CAMTA1: variants seen among roughly 807,000 people sequenced by gnomAD.
The protein encoded by CAMTA1 is calmodulin-binding transcription activator 1.
A neutral mutation model predicts 170.9 loss-of-function variants in CAMTA1; 27 were observed. That is an observed-to-expected ratio of 0.16 (90% confidence interval 0.12 to 0.22). The LOEUF is 0.22. Ranked by LOEUF, CAMTA1 falls within the 10% of genes least tolerant of loss-of-function variation. The pLI, the probability that CAMTA1 is intolerant of heterozygous loss-of-function variation, is 1.00. For missense variants in CAMTA1, 1,619 were observed against 2,217.2 expected, an observed-to-expected ratio of 0.73 and a Z score of 5.42; for synonymous variants, 833 against 891.5, an observed-to-expected ratio of 0.93 and a Z score of 1.17.
At position 7,745,882 on chromosome 1, in the gene CAMTA1, A is replaced by T; in HGVS notation, c.4408A>T (p.Thr1470Ser). The change falls in exon 18 of 23, where the codon ACC becomes TCC. Residue 1470 changes from threonine (T) to serine (S), a missense_variant. Thr to Ser is a moderately conservative substitution (Grantham distance 58). This residue lies in a region of CAMTA1 where 370 missense variants were observed against 429.4 expected (regional missense o/e 0.86). Transcript: ENST00000303635. ...CGAGCCTCTAACCCCTTCTTCTAAT[A>T]CCAGCTTGAGCCCTGTTGGCTCTCC... ...YNEPLTPSSN[T>S]SLSPVGSPVS... 6.2e-7 allele frequency: 1 copy of T among 1,614,162 alleles called. No homozygotes were observed.
At chr1:7,700,077 ATATAT>A (rs2096422101) in intron 11 of CAMTA1, among the ~76,000 whole-genome samples, 1 of 151,962 alleles carries the variant, frequency 6.6e-6, no homozygotes, top group African/African-American at 2.4e-5. Flanking sequence ...TGTGCTTTTG[ATATAT>A]TTAAGAAACT....
intron 4 of CAMTA1, among the ~76,000 whole-genome samples, chr1:7,163,251 T>A (rs1647605634): frequency 7.5e-6 from 1 of 132,682 alleles, no homozygotes; most frequent in African/African-American, 2.9e-5. Context: ...GTTTCAGAGG[T>A]GGTGCTGTTA....
In CAMTA1 at chr1:7,482,073, C is replaced by A. The variant is rs1458678974; in HGVS notation, c.510+14172C>A. Among the ~76,000 whole-genome samples, 1 of 152,132 alleles carries A rather than the reference C, an allele frequency of 6.6e-6. No homozygotes were observed. The highest frequency in any genetic ancestry group is 2.4e-5 in the African/African-American group (1 of 41,416). ...TCTAGAACTTCGTAGAACTGGAATC[C>A]TGCAGTATATGCACTCAGGTATATA... is the stretch of plus-strand genomic sequence containing the variant. On this transcript the variant is annotated intron_variant, in intron 6 of 22. Coordinates refer to ENST00000303635, the MANE Select transcript of CAMTA1 (RefSeq NM_015215.4). The surrounding 1 kb of genome is among the most constrained non-coding windows in gnomAD (Gnocchi z 4.2).
intron 4 of CAMTA1, among the ~76,000 whole-genome samples, chr1:7,185,510 T>C (rs1653067928): frequency 6.6e-6 from 1 of 152,208 alleles, no homozygotes. Context: ...GAATAGTGTT[T>C]CTTATAGTAG....
intron 5 of CAMTA1, among the ~76,000 whole-genome samples, chr1:7,446,710 C>A (rs2149438237): frequency 6.6e-6 from 1 of 152,324 alleles, no homozygotes; most frequent in Non-Finnish European, 1.5e-5. Context: ...TTAGGCCATC[C>A]CAACACTGGC....
intron 3 of CAMTA1, among the ~76,000 whole-genome samples, chr1:6,933,973 A>G (rs1417772017): frequency 1.3e-5 from 2 of 152,068 alleles, no homozygotes; most frequent in Admixed American, 6.6e-5. Flanking sequence ...TTGCATTTCC[A>G]TATGGATTTT....
chr1:7,606,330 G>GGT (rs2095486287), intron 6 of CAMTA1, among the ~76,000 whole-genome samples: 1 of 152,170 alleles, frequency 6.6e-6, no homozygotes, highest in Non-Finnish European at 1.5e-5. Context: ...ATGCAGGCTG[G>GGT]GAAGTGGTTC....
chr1:7,537,347 G>A (rs929628832), intron 6 of CAMTA1, among the ~76,000 whole-genome samples: 1 of 152,236 alleles, frequency 6.6e-6, no homozygotes. Context: ...ACACCATGAA[G>A]GACGCTTTGA....
intron 4 of CAMTA1, among the ~76,000 whole-genome samples, chr1:7,228,851 TG>T (rs1662175678): frequency 6.6e-6 from 1 of 151,950 alleles, no homozygotes; most frequent in South Asian, 2.1e-4. Context: ...TGGACTAAGG[TG>T]ACAGTGTGTG....
At chr1:6,832,526 TTA>T (rs1365585145) in intron 3 of CAMTA1, among the ~76,000 whole-genome samples, 6 of 152,228 alleles carry the variant, frequency 3.9e-5, no homozygotes, top group Non-Finnish European at 5.9e-5. Flanking sequence ...TCTAGTGTAT[TTA>T]TATGTTATCT....
intron 4 of CAMTA1, among the ~76,000 whole-genome samples, chr1:7,166,363 G>A (rs1648433665): frequency 6.6e-6 from 1 of 152,204 alleles, no homozygotes; most frequent in Admixed American, 6.5e-5. Context: ...ACCGCGTCCG[G>A]CCTACTTGGA....
intron 6 of CAMTA1, among the ~76,000 whole-genome samples, chr1:7,501,059 G>T (rs180821327): frequency 6.6e-6 from 1 of 152,134 alleles, no homozygotes; most frequent in Admixed American, 6.5e-5. Flanking sequence ...CCTCGGAAGC[G>T]GTTACCACCC....
intron 6 of CAMTA1, among the ~76,000 whole-genome samples, chr1:7,544,308 G>A (rs144812699): frequency 1.5e-3 from 235 of 152,246 alleles, no homozygotes; most frequent in South Asian, 0.01. Context: ...GGGGGCAACC[G>A]CCCCATGATT....
At chr1:7,142,009 T>A (rs1300343568) in intron 4 of CAMTA1, 1 of 481,406 alleles carries the variant, frequency 2.1e-6, no homozygotes, top group African/African-American at 2.0e-5. Context: ...TTTCCTGATG[T>A]CTTGGCTGCT....
intron 3 of CAMTA1, among the ~76,000 whole-genome samples, chr1:6,974,216 G>A (rs553461211): frequency 1.3e-5 from 2 of 152,326 alleles, no homozygotes; most frequent in Admixed American, 1.3e-4. Flanking sequence ...AGGAACCTGG[G>A]AGCAGGAGGG....
At chr1:7,742,383 A>G (rs2150063775) in intron 16 of CAMTA1, among the ~76,000 whole-genome samples, 1 of 152,174 alleles carries the variant, frequency 6.6e-6, no homozygotes, top group Non-Finnish European at 1.5e-5. Context: ...TGATAGATTT[A>G]ATATATGATA....
chr1:7,523,048 G>A (rs2094386661), intron 6 of CAMTA1, among the ~76,000 whole-genome samples: 1 of 152,186 alleles, frequency 6.6e-6, no homozygotes, highest in Non-Finnish European at 1.5e-5. Flanking sequence ...TGTATTTTTA[G>A]TAGAGATGGG....
chr1:7,144,435 A>G lies in CAMTA1; in HGVS notation c.302+53064A>G, dbSNP rs900374804. The stretch of plus-strand genomic sequence containing the variant: ...CAAATCCCTATCTCCACACAGTCAC[A>G]CTGAGGCCACTGAGGGTAAGGGCCT... On this transcript the variant is annotated intron_variant, in intron 4 of 22. Transcript: ENST00000303635. The surrounding 1 kb of genome is among the most constrained non-coding windows in gnomAD (Gnocchi z 4.0). Among the ~76,000 whole-genome samples, 1 of 152,172 alleles carries G rather than the reference A, an allele frequency of 6.6e-6. No homozygotes were observed. The highest frequency in any genetic ancestry group is 2.4e-5 in the African/African-American group (1 of 41,428).
intron 5 of CAMTA1, among the ~76,000 whole-genome samples, chr1:7,371,995 T>C (rs1244992129): frequency 6.6e-6 from 1 of 152,192 alleles, no homozygotes; most frequent in African/African-American, 2.4e-5. Context: ...AGACCCAGCC[T>C]GGGGAAGTCC....
Sources: allele counts gnomAD v4.1 joint callset (sites outside exome capture counted in the v4.1 genomes callset), GRCh38; gene constraint gnomAD v4.1.1; regional missense constraint gnomAD v4.1.1; non-coding constraint Gnocchi (gnomAD v3.1); transcripts MANE v1.5; gene names NCBI Gene and HGNC (gene_info 2026-07-23, HGNC 2026-07-21).